Variants in SFXN1 observed in about 807,000 individuals in gnomAD.
The protein encoded by SFXN1 is sideroflexin 1.
A neutral mutation model predicts 39.5 loss-of-function variants in SFXN1; 32 were observed. That is an observed-to-expected ratio of 0.81 (90% CI 0.61 to 1.09). The LOEUF is 1.09. SFXN1 is among the 50% of genes least tolerant of loss of function. The pLI is 0.00. For missense variants in SFXN1, 402 were observed against 407.1 expected, an observed-to-expected ratio of 0.99 and a Z score of 0.11; for synonymous variants, 136 against 146.5, an observed-to-expected ratio of 0.93 and a Z score of 0.52.
intron 4 of SFXN1, 82 bp from the exon 5 acceptor site, chr5:175,511,369 C>T: frequency 3.0e-6 from 3 of 1,016,332 alleles, no homozygotes; most frequent in Non-Finnish European, 4.6e-6. Context: ...TTTATATTTC[C>T]CTTTTATTTC....
intron 8 of SFXN1, among the ~76,000 whole-genome samples, chr5:175,521,476 A>G (rs1411338510): frequency 1.3e-5 from 2 of 152,164 alleles, no homozygotes; most frequent in African/African-American, 2.4e-5. Context: ...AGTGATGTTC[A>G]TTTTGTACCA....
intron 1 of SFXN1, among the ~76,000 whole-genome samples, chr5:175,480,207 C>T (rs1055364260): frequency 2.6e-5 from 4 of 152,200 alleles, no homozygotes; most frequent in African/African-American, 9.7e-5. Flanking sequence ...CAAGACCATC[C>T]TGGCTAAGCC....
chr5:175,498,102 A>G (rs550394713), intron 2 of SFXN1, among the ~76,000 whole-genome samples: 288 of 151,528 alleles, frequency 1.9e-3, no homozygotes, highest in African/African-American at 6.1e-3. Context: ...TGAGAAAATT[A>G]ATTATTAATC....
At chr5:175,520,138 G>A (rs998568874) in intron 8 of SFXN1, among the ~76,000 whole-genome samples, 1 of 151,640 alleles carries the variant, frequency 6.6e-6, no homozygotes, top group Non-Finnish European at 1.5e-5. Context: ...AAAGTGTTGG[G>A]ATTACAGGCA....
chr5:175,488,325 G>A (rs1232007542), intron 1 of SFXN1, among the ~76,000 whole-genome samples: 2 of 146,302 alleles, frequency 1.4e-5, no homozygotes, highest in African/African-American at 2.6e-5. Flanking sequence ...TTTTTGAGAC[G>A]GAGTTTCGCT....
intron 3 of SFXN1, 147 bp downstream of exon 3, chr5:175,509,349 C>A: frequency 1.5e-6 from 1 of 653,750 alleles, no homozygotes; most frequent in Non-Finnish European, 2.4e-6. Context: ...TGAATCATTC[C>A]GTAATGTACT....
intron 2 of SFXN1, among the ~76,000 whole-genome samples, chr5:175,500,403 AACACACACACACACACACACACAC>A (rs4008099): frequency 1.0e-4 from 13 of 127,224 alleles, no homozygotes; most frequent in South Asian, 2.7e-4. Context: ...CCTGTACACC[AACACACACACACACACACACACAC>A]ACACACACAC....
intron 1 of SFXN1, among the ~76,000 whole-genome samples, chr5:175,479,497 C>G (rs1033340067): frequency 4.6e-5 from 7 of 152,074 alleles, no homozygotes; most frequent in South Asian, 4.1e-4. Context: ...TAAAATTGCA[C>G]CCCCCATCCC....
At chr5:175,502,562 G>A (rs1343605573) in intron 2 of SFXN1, among the ~76,000 whole-genome samples, 2 of 152,200 alleles carry the variant, frequency 1.3e-5, no homozygotes, top group Non-Finnish European at 2.9e-5. Flanking sequence ...CGTACTGGCC[G>A]GGCACAGTGG....
chr5:175,514,267 G>A (rs1305505300), intron 7 of SFXN1, among the ~76,000 whole-genome samples: 2 of 152,138 alleles, frequency 1.3e-5, no homozygotes, highest in East Asian at 3.9e-4. Context: ...GGAGCAAATT[G>A]GAATGGTTAG....
At chr5:175,478,904 G>C (rs765093402) in intron 1 of SFXN1, among the ~76,000 whole-genome samples, 5 of 152,096 alleles carry the variant, frequency 3.3e-5, no homozygotes, top group African/African-American at 1.2e-4. Flanking sequence ...CGTGGGCCTC[G>C]TCCCCGGTGG....
intron 10 of SFXN1, chr5:175,523,052 G>A (rs1198513298): frequency 6.6e-6 from 1 of 152,348 alleles, no homozygotes; most frequent in Non-Finnish European, 1.5e-5. Flanking sequence ...CCTTGCCTTG[G>A]TAATACCCTT....
chr5:175,510,127 G>A lies in SFXN1; in HGVS notation c.354G>A (p.Leu118=), dbSNP rs201477062. Residue 118 remains leucine, a synonymous_variant, in exon 4 of 11, where the codon CTG becomes CTA. Transcript: ENST00000321442. ...MTFYRTTPAV[L]FWQWINQSFN... ...GTTTTAGGACTACGCCGGCTGTGCT[G>A]TTCTGGCAGTGGATTAACCAGTCCT... The A allele has an allele frequency of 3.7e-6, 6 of 1,612,832 alleles. No homozygotes were observed. The highest frequency in any genetic ancestry group is 1.6e-4 in the Middle Eastern group (1 of 6,084).
At chr5:175,524,115 AAAAAAAAAAAATATATATATAT>A (rs1760965558) in intron 10 of SFXN1, 2 of 63,612 alleles carry the variant, frequency 3.1e-5, no homozygotes, top group African/African-American at 1.4e-4. Flanking sequence ...AAAAAAAAAA[AAAAAAAAAAAATATATATATAT>A]ATATATATAT....
rs1581325153 is a variant in SFXN1 at position 175,519,555 on chromosome 5, C to A, written c.775-2364C>A. On this transcript the variant is annotated intron_variant, in intron 8 of 10. Transcript: ENST00000321442. Reference sequence around the variant, plus strand: ...ATGAAGGCGTCTCAAAGTAATTACACAAAAGAATAGATACTGTATATCGAG... The same window carrying A: ...ATGAAGGCGTCTCAAAGTAATTACAAAAAAGAATAGATACTGTATATCGAG... Among the ~76,000 whole-genome samples, 4 of 152,090 alleles carry A rather than the reference C, an allele frequency of 2.6e-5. No individual in the cohort carries two copies. The East Asian group carries it at 5.8e-4, about 22-fold the overall frequency.
Position 175,526,920 on chromosome 5 carries a change from C to T in SFXN1, c.*186C>T. The T allele has an allele frequency of 1.7e-6, 1 of 595,148 alleles. No individual in the cohort carries two copies. The highest frequency in any genetic ancestry group is 3.0e-6 in the Non-Finnish European group (1 of 335,262). The allele number at this position is 595,148 out of a possible 1,614,324, so 36.9% of individuals were successfully genotyped here. ...TGGCGTGGGCCAAGTGCCTGATACTCCCTTACACTGAATCATGTTATGATT... is the reference window on the plus strand; with the variant it reads ...TGGCGTGGGCCAAGTGCCTGATACTTCCTTACACTGAATCATGTTATGATT... On this transcript the variant is annotated 3_prime_UTR_variant, in exon 11 of 11. Transcript: ENST00000321442.
At chr5:175,512,317 A>T (rs1019335151) in intron 6 of SFXN1, 121 bp downstream of exon 6, 29 of 857,740 alleles carry the variant, frequency 3.4e-5, no homozygotes, top group Non-Finnish European at 5.0e-5. Context: ...ATTATATGAG[A>T]TCTTGGATTT....
Position 175,505,224 on chromosome 5 carries a change from G to A in SFXN1, c.165-3808G>A, listed in dbSNP as rs529052558. Among the ~76,000 whole-genome samples the A allele has an allele frequency of 4.6e-5, 7 of 152,026 alleles. No individual in the cohort carries two copies. The South Asian group carries it at 1.5e-3, about 32-fold the overall frequency. ...CGATTTCAGTCAAATTACAACTGTG[G>A]TCACCTGTAAAACTGATAAAATAAT... On this transcript the variant is annotated intron_variant, in intron 2 of 10. Coordinates refer to ENST00000321442, the MANE Select transcript of SFXN1 (RefSeq NM_022754.7).
At chr5:175,518,964 T>C (rs566853251) in intron 8 of SFXN1, among the ~76,000 whole-genome samples, 3 of 152,204 alleles carry the variant, frequency 2.0e-5, no homozygotes, top group Non-Finnish European at 2.9e-5. Flanking sequence ...AGAAACAGCA[T>C]GGGGAAAAAT....
Sources: allele counts gnomAD v4.1 joint callset (sites outside exome capture counted in the v4.1 genomes callset), GRCh38; gene constraint gnomAD v4.1.1; transcripts MANE v1.5; gene names NCBI Gene and HGNC (gene_info 2026-07-23, HGNC 2026-07-21).